Variants in FARS2 observed in about 807,000 individuals in gnomAD.
The protein encoded by FARS2 is phenylalanyl-tRNA synthetase 2, mitochondrial, also known as phenylalanine--tRNA ligase, mitochondrial.
In FARS2, 40 loss-of-function variants were observed where a neutral mutation model predicts 46.4. The ratio of observed to expected loss-of-function variants is 0.86; its 90% CI spans 0.67 to 1.12. The LOEUF is 1.12. FARS2 is among the 50% of genes most tolerant of loss of function. FARS2 has a pLI of 0.00. For synonymous variants in FARS2, 234 were observed against 214.9 expected (o/e 1.09, Z -0.78); for missense variants, 513 against 567.9 (o/e 0.90, Z 0.98).
chr6:5,371,239 TACTA>T (rs1340081544), intron 2 of FARS2: 23 of 935,204 alleles, frequency 2.5e-5, no homozygotes, highest in Admixed American at 1.2e-4. Context: ...AAAGTGTTGG[TACTA>T]ACTCTGACCT....
At chr6:5,623,305 A>T (rs375611472) in intron 6 of FARS2, among the ~76,000 whole-genome samples, 1 of 152,380 alleles carries the variant, frequency 6.6e-6, no homozygotes, top group East Asian at 1.9e-4. Context: ...AGCCAAATGC[A>T]TATAACTGGG....
intron 3 of FARS2, 124 bp downstream of exon 3, chr6:5,404,825 A>G (rs1422496909): frequency 6.2e-6 from 4 of 645,092 alleles, no homozygotes; most frequent in Admixed American, 4.4e-5. Flanking sequence ...CCCGAGACGG[A>G]GTCTTGCTCT....
At chr6:5,721,146 CTAATA>C (rs1249986555) in intron 6 of FARS2, among the ~76,000 whole-genome samples, 1 of 151,980 alleles carries the variant, frequency 6.6e-6, no homozygotes, top group Non-Finnish European at 1.5e-5. Context: ...GCATATTAAC[CTAATA>C]TAATTCTATG....
chr6:5,425,224 TC>T (rs1232719513), intron 3 of FARS2, among the ~76,000 whole-genome samples: 1 of 151,214 alleles, frequency 6.6e-6, no homozygotes, highest in African/African-American at 2.4e-5. Flanking sequence ...GTGTAGAAAA[TC>T]ACTGGTATAT....
chr6:5,682,176 A>G (rs1214247189), intron 6 of FARS2, among the ~76,000 whole-genome samples: 1 of 152,254 alleles, frequency 6.6e-6, no homozygotes, highest in Non-Finnish European at 1.5e-5. Context: ...GCTGTTAAAA[A>G]TGACAATAAC....
At chr6:5,692,866 C>T (rs1757846274) in intron 6 of FARS2, among the ~76,000 whole-genome samples, 1 of 152,138 alleles carries the variant, frequency 6.6e-6, no homozygotes, top group Non-Finnish European at 1.5e-5. Flanking sequence ...GTGCTGTCAC[C>T]AAGCCCACCA....
chr6:5,651,926 A>T (rs1487709918), intron 6 of FARS2, among the ~76,000 whole-genome samples: 2 of 152,118 alleles, frequency 1.3e-5, no homozygotes, highest in Non-Finnish European at 2.9e-5. Flanking sequence ...ACAACAGGAG[A>T]AACCAAGCTG....
chr6:5,721,780 G>C (rs1024055400), intron 6 of FARS2, among the ~76,000 whole-genome samples: 38 of 152,152 alleles, frequency 2.5e-4, no homozygotes, highest in African/African-American at 8.9e-4. Flanking sequence ...GAAGTGGCAG[G>C]CTCATTGCAT....
At chr6:5,456,519 G>A (rs1365641344) in intron 4 of FARS2, among the ~76,000 whole-genome samples, 1 of 151,658 alleles carries the variant, frequency 6.6e-6, no homozygotes, top group South Asian at 2.1e-4. Context: ...GGATCACGAG[G>A]TCAGGAGTTC....
At chr6:5,325,961 A>G (rs1205283405) in intron 1 of FARS2, among the ~76,000 whole-genome samples, 1 of 152,236 alleles carries the variant, frequency 6.6e-6, no homozygotes, top group Non-Finnish European at 1.5e-5. Context: ...AAATCTCACA[A>G]TATACCATGT....
the FARS2 span, among the ~76,000 whole-genome samples, chr6:5,250,883 A>C: frequency 1.3e-5 from 2 of 152,254 alleles, no homozygotes; most frequent in East Asian, 3.8e-4. Flanking sequence ...CATAGAGAGC[A>C]AAACTCTTAT....
chr6:5,609,291 C>T (rs1459703567), intron 5 of FARS2: 16 of 1,081,426 alleles, frequency 1.5e-5, no homozygotes, highest in Admixed American at 5.1e-5. Context: ...ACCTTGGTTT[C>T]ATGGTTTGGC....
intron 1 of FARS2, among the ~76,000 whole-genome samples, chr6:5,340,116 C>T (rs138696456): frequency 6.2e-4 from 95 of 152,326 alleles, no homozygotes; most frequent in Non-Finnish European, 1.1e-3. Flanking sequence ...GTGCCTTTCA[C>T]ATCTACTTAT....
chr6:5,642,994 A>G (rs1423563931), intron 6 of FARS2, among the ~76,000 whole-genome samples: 1 of 152,260 alleles, frequency 6.6e-6, no homozygotes, highest in African/African-American at 2.4e-5. Context: ...GGACGTGAAC[A>G]CAGCCTCTTC....
chr6:5,364,761 G>A (rs1001931184), intron 1 of FARS2, among the ~76,000 whole-genome samples: 1 of 152,178 alleles, frequency 6.6e-6, no homozygotes, highest in Admixed American at 6.5e-5. Context: ...GGCAAGGCAC[G>A]ATGGCTTAAG....
At chr6:5,691,733 T>C (rs1294310549) in intron 6 of FARS2, among the ~76,000 whole-genome samples, 1 of 152,234 alleles carries the variant, frequency 6.6e-6, no homozygotes, top group East Asian at 1.9e-4. Context: ...CAGGGACATT[T>C]AAGTCTGCAG....
intron 3 of FARS2, among the ~76,000 whole-genome samples, chr6:5,406,072 G>A (rs1278515285): frequency 6.6e-6 from 1 of 151,898 alleles, no homozygotes; most frequent in African/African-American, 2.4e-5. Flanking sequence ...TTTAAATCAC[G>A]ATATAAAGAG....
intron 2 of FARS2, among the ~76,000 whole-genome samples, chr6:5,378,316 C>T (rs1759519220): frequency 6.6e-6 from 1 of 152,140 alleles, no homozygotes; most frequent in Admixed American, 6.5e-5. Flanking sequence ...CTGCTCCTGC[C>T]CTCACGATTC....
intron 5 of FARS2, among the ~76,000 whole-genome samples, chr6:5,555,082 C>T (rs767509513): frequency 7.2e-5 from 11 of 152,048 alleles, no homozygotes; most frequent in Non-Finnish European, 1.0e-4. Context: ...ATTTGAATCA[C>T]GGGGGCGGTT....
Sources: gnomAD v4.1 joint callset for allele counts (sites outside exome capture counted in the v4.1 genomes callset) on GRCh38, gnomAD v4.1.1 for gene constraint, MANE v1.5 for transcripts, NCBI Gene and HGNC (gene_info 2026-07-23, HGNC 2026-07-21) for gene names.